ATXN10: variants seen among roughly 807,000 people sequenced by gnomAD.
ATXN10 encodes ataxin-10.
A neutral mutation model predicts 52.9 loss-of-function variants in ATXN10; 28 were observed. The observed-to-expected ratio is 0.53, with a 90% CI of 0.39 to 0.73. The LOEUF is 0.73. Among genes scored for constraint, ATXN10 ranks in the 30% least tolerant of loss-of-function variants. The pLI, the probability that ATXN10 is intolerant of heterozygous loss-of-function variation, is 0.00. For synonymous variants in ATXN10, 226 were observed against 221.5 expected, an observed-to-expected ratio of 1.02 and a Z score of -0.18; for missense variants, 565 against 577.0, an observed-to-expected ratio of 0.98 and a Z score of 0.21.
intron 9 of ATXN10, among the ~76,000 whole-genome samples, chr22:45,800,557 A>G (rs1294831111): frequency 1.3e-5 from 2 of 152,232 alleles, no homozygotes; most frequent in Non-Finnish European, 2.9e-5. Context: ...AAAGTTGAAC[A>G]TATACTTCAT....
Position 45,774,707 on chromosome 22 carries a change from C to T in ATXN10, c.1174-32252C>T, listed in dbSNP as rs1222784480. Among the ~76,000 whole-genome samples, 2 of 152,256 alleles carry T rather than the reference C, an allele frequency of 1.3e-5. No individual in the cohort carries two copies. The highest frequency in any genetic ancestry group is 2.1e-4 in the South Asian group (1 of 4,820). On this transcript the variant is annotated intron_variant, in intron 9 of 11. Transcript: ENST00000252934. The surrounding 1 kb of genome is among the most constrained non-coding windows in gnomAD (Gnocchi z 6.2). ...TAGCACTTTGGGAGGCTGAGGTGAGCGGATCACTTGAGGCCAGGAGTTTGA... is the reference window on the plus strand; with the variant it reads ...TAGCACTTTGGGAGGCTGAGGTGAGTGGATCACTTGAGGCCAGGAGTTTGA...
chr22:45,753,809 C>A (rs1055278655), intron 9 of ATXN10, among the ~76,000 whole-genome samples: 4 of 152,130 alleles, frequency 2.6e-5, no homozygotes, highest in African/African-American at 9.7e-5. Flanking sequence ...CTTCCCTGGT[C>A]CCCCACTGAG....
chr22:45,729,537 G>A lies in ATXN10; in HGVS notation c.841G>A (p.Asp281Asn). 6.2e-7 allele frequency: 1 copy of A among 1,614,146 alleles called. No homozygotes were observed. The highest frequency in any genetic ancestry group is 8.5e-7 in the Non-Finnish European group (1 of 1,180,028). Residue 281 changes from aspartate (D) to asparagine (N), a missense_variant, in exon 7 of 12, where the codon GAT becomes AAT. Physicochemically the swap from Asp to Asn is conservative, Grantham distance 23. Transcript: ENST00000252934. Reference protein sequence around the residue: ...HAELIASTFVDQCKTVLKLAS... With the variant: ...HAELIASTFVNQCKTVLKLAS... ...TGAGTTGATTGCAAGCACCTTTGTG[G>A]ATCAGTGCAAGACTGTGCTCAAGCT...
At position 45,842,451 on chromosome 22, in the gene ATXN10, A is replaced by C. The variant is rs1929376344; in HGVS notation, c.1238-540A>C. Reference sequence around the variant, plus strand: ...TTCCAGCTTCATCTTTAGAATACTGAATGCGGGAAATTCCACAGTGACTCC... The same window carrying C: ...TTCCAGCTTCATCTTTAGAATACTGCATGCGGGAAATTCCACAGTGACTCC... On this transcript the variant is annotated intron_variant, in intron 10 of 11. Transcript: ENST00000252934. This position sits in a 1 kb window ranked among gnomAD's most constrained non-coding sequence, Gnocchi z 4.8. 6.6e-6 allele frequency among the ~76,000 whole-genome samples: 1 copy of C among 152,164 alleles called. No homozygotes were observed. The highest frequency in any genetic ancestry group is 1.5e-5 in the Non-Finnish European group (1 of 68,026).
At chr22:45,710,141 G>A (rs1466659472) in intron 5 of ATXN10, among the ~76,000 whole-genome samples, 1 of 152,152 alleles carries the variant, frequency 6.6e-6, no homozygotes, top group Non-Finnish European at 1.5e-5. Context: ...ACCATTCAGT[G>A]CCTTCTTATT....
rs961141642 is a variant in ATXN10, at chr22:45,681,072, T to G, written c.117-8640T>G. Among the ~76,000 whole-genome samples the G allele has an allele frequency of 9.2e-5, 14 of 152,184 alleles. No individual in the cohort carries two copies. The highest frequency in any genetic ancestry group is 3.4e-4 in the African/African-American group (14 of 41,444). On this transcript the variant is annotated intron_variant, in intron 1 of 11. Transcript: ENST00000252934. The surrounding 1 kb of genome is among the most constrained non-coding windows in gnomAD (Gnocchi z 4.2). ...AACTTTTAATCTCATGACATCAGAG[T>G]ATCCCTTGTTTAATCACTTTTGTGG...
chr22:45,729,570 G>A lies in ATXN10; in HGVS notation c.874G>A (p.Glu292Lys). The change falls in exon 7 of 12, where the codon GAG becomes AAG. Residue 292 changes from glutamate (E) to lysine (K), a missense_variant. Physicochemically the swap from Glu to Lys is moderately conservative, Grantham distance 56 (BLOSUM62 1). Coordinates refer to ENST00000252934, the MANE Select transcript of ATXN10 (RefSeq NM_013236.4). ...CAAGACTGTGCTCAAGCTGGCCTCT[G>A]AGGAGCCTCCTGATGATGAGGTAAG... ...QCKTVLKLAS[E>K]EPPDDEEALA... 1 of 1,614,164 alleles carries A rather than the reference G, an allele frequency of 6.2e-7. No homozygotes were observed. The highest frequency in any genetic ancestry group is 8.5e-7 in the Non-Finnish European group (1 of 1,180,026).
chr22:45,839,436 A>G (rs1929272523), intron 10 of ATXN10, among the ~76,000 whole-genome samples: 1 of 152,234 alleles, frequency 6.6e-6, no homozygotes, highest in Non-Finnish European at 1.5e-5. Context: ...GGGGCTGAGC[A>G]GGACCCATCA....
In ATXN10 at chr22:45,728,360, T is replaced by C. The variant is rs1924959273; in HGVS notation, c.729-1065T>C. ...GACCGTGTATTAGTTTTATTTTGGA[T>C]TAATTATTGTCACAAGAAATCTGAC... On this transcript the variant is annotated intron_variant, in intron 6 of 11. Coordinates refer to ENST00000252934, the MANE Select transcript of ATXN10 (RefSeq NM_013236.4). This position sits in a 1 kb window ranked among gnomAD's most constrained non-coding sequence, Gnocchi z 4.3. Among the ~76,000 whole-genome samples the C allele has an allele frequency of 6.6e-6, 1 of 152,210 alleles. No homozygotes were observed. The highest frequency in any genetic ancestry group is 2.1e-4 in the South Asian group (1 of 4,834).
intron 9 of ATXN10, among the ~76,000 whole-genome samples, chr22:45,806,156 G>A (rs757748562): frequency 1.2e-4 from 19 of 152,182 alleles, no homozygotes; most frequent in Non-Finnish European, 2.5e-4. Context: ...TTTCATGGGA[G>A]TTGTACCATT....
At position 45,738,976 on chromosome 22, in the gene ATXN10, A is replaced by T. The variant is rs1289588517; in HGVS notation, c.1003+137A>T. On this transcript the variant is annotated intron_variant, in intron 8 of 11. Transcript: ENST00000252934. ...TGAATATATTTTTTTGAGAGGAATC[A>T]CAGTGTTGTAACAGTTCAGGCAGGC... The T allele has an allele frequency of 3.7e-6, 3 of 809,924 alleles. No homozygotes were observed. The East Asian group carries it at 8.0e-5, about 22-fold the overall frequency. 50.2% of individuals were successfully genotyped at this position (809,924 alleles called of 1,614,324 possible). A position where few individuals can be genotyped will look rare whatever the true frequency, so the allele number is the denominator to read the frequency against.
At chr22:45,771,395 A>C (rs1291212545) in intron 9 of ATXN10, among the ~76,000 whole-genome samples, 1 of 148,290 alleles carries the variant, frequency 6.7e-6, no homozygotes, top group African/African-American at 2.5e-5. Context: ...TCATATGTTT[A>C]ATTTGCCATG....
intron 6 of ATXN10, among the ~76,000 whole-genome samples, chr22:45,721,566 AT>A (rs1924652415): frequency 6.6e-6 from 1 of 152,280 alleles, no homozygotes; most frequent in Admixed American, 6.5e-5. Flanking sequence ...AAATACCTTA[AT>A]CTATAACCTG....
intron 9 of ATXN10, among the ~76,000 whole-genome samples, chr22:45,748,230 A>G (rs529813594): frequency 6.6e-6 from 1 of 152,138 alleles, no homozygotes; most frequent in African/African-American, 2.4e-5. Context: ...TAACTATAAT[A>G]CTTCCGTGTC....
rs954883514 is a variant in ATXN10, at chr22:45,840,456, A to G, written c.1238-2535A>G. On this transcript the variant is annotated intron_variant, in intron 10 of 11. Transcript: ENST00000252934. This position sits in a 1 kb window ranked among gnomAD's most constrained non-coding sequence, Gnocchi z 5.8. Reference sequence around the variant, plus strand: ...TGATACTTGCTGAGTCTCGAAGGCTAAGTGTGCCCCATGAGAAAGGAAGCA... The same window carrying G: ...TGATACTTGCTGAGTCTCGAAGGCTGAGTGTGCCCCATGAGAAAGGAAGCA... Among the ~76,000 whole-genome samples the G allele has an allele frequency of 7.2e-5, 11 of 152,200 alleles. No homozygotes were observed. The highest frequency in any genetic ancestry group is 5.2e-4 in the Admixed American group (8 of 15,280).
At position 45,740,360 on chromosome 22, in the gene ATXN10, TGGTTATA is replaced by T. The variant is rs1925461557; in HGVS notation, c.1004-7_1004-1del. ...CTGTGGAAAATGAAGTTTACTCTTT[TGGTTATA>T]GATCTTTTGCGGGTGATTCATGTAG... On this transcript the variant is annotated splice_acceptor_variant and splice_polypyrimidine_tract_variant and intron_variant, in intron 8 of 11. Coordinates refer to ENST00000252934, the MANE Select transcript of ATXN10 (RefSeq NM_013236.4). LOFTEE classifies it high-confidence loss of function. 6.2e-7 allele frequency: 1 copy of T among 1,613,844 alleles called. No homozygotes were observed. Among genetic ancestry groups the T allele is most frequent in the South Asian group, 1.1e-5 (1 of 91,078 alleles).
At chr22:45,773,889 A>G (rs889097570) in intron 9 of ATXN10, among the ~76,000 whole-genome samples, 10 of 152,262 alleles carry the variant, frequency 6.6e-5, no homozygotes, top group African/African-American at 2.4e-4. Context: ...CATTGGAAGA[A>G]CAAGAGAAGG....
rs1279136487 is a variant in ATXN10, at chr22:45,790,557, C to T, written c.1174-16402C>T. On this transcript the variant is annotated intron_variant, in intron 9 of 11. Transcript: ENST00000252934. This position sits in a 1 kb window ranked among gnomAD's most constrained non-coding sequence, Gnocchi z 4.7. ...AAGATGGAGAAAGTCTTCATTTCTG[C>T]TTCAGCAGATTTCAGTTAGTCTCTG... Among the ~76,000 whole-genome samples the T allele has an allele frequency of 1.3e-5, 2 of 152,200 alleles. No individual in the cohort carries two copies. The highest frequency in any genetic ancestry group is 4.8e-5 in the African/African-American group (2 of 41,452).
chr22:45,696,845 T>C lies in ATXN10; in HGVS notation c.392-3437T>C, dbSNP rs753159603. On this transcript the variant is annotated intron_variant, in intron 3 of 11. Coordinates refer to ENST00000252934, the MANE Select transcript of ATXN10 (RefSeq NM_013236.4). The surrounding 1 kb of genome is among the most constrained non-coding windows in gnomAD (Gnocchi z 4.7). ...AAGAAAAAATTTAACGGAGCAGATA[T>C]CTGAAACTACTTTTATGAACCAGTT... 6.6e-6 allele frequency among the ~76,000 whole-genome samples: 1 copy of C among 152,250 alleles called. No homozygotes were observed. The highest frequency in any genetic ancestry group is 1.5e-5 in the Non-Finnish European group (1 of 68,050).
Sources: allele counts gnomAD v4.1 joint callset (sites outside exome capture counted in the v4.1 genomes callset), GRCh38; gene constraint gnomAD v4.1.1; non-coding constraint Gnocchi (gnomAD v3.1); transcripts MANE v1.5; gene names NCBI Gene and HGNC (gene_info 2026-07-23, HGNC 2026-07-21).